The following PPP4C variants were observed in gnomAD, a reference collection of about 807,000 sequenced individuals.
PPP4C encodes the protein protein phosphatase 4 catalytic subunit.
PPP4C carries 10 observed loss-of-function variants against 40.5 expected under a neutral mutation model. That is an observed-to-expected ratio of 0.25 (90% CI 0.15 to 0.42). The LOEUF (loss-of-function observed/expected upper bound fraction) is 0.42. Ranked by LOEUF, PPP4C falls within the 10% of genes least tolerant of loss-of-function variation. The probability of loss-of-function intolerance (pLI) is 1.00; values close to 1 mark genes in which losing one functional copy is unlikely to be tolerated. For missense variants in PPP4C, 191 were observed against 416.4 expected (o/e 0.46, Z 4.71); for synonymous variants, 187 against 163.6 (o/e 1.14, Z -1.09).
At position 30,076,231 on chromosome 16, in the gene PPP4C, G is replaced by C. The variant is rs571065135; in HGVS notation, c.-63-84G>C. The C allele has an allele frequency of 1.2e-3, 953 of 782,254 alleles. 23 individuals carry two copies. The East Asian group carries it at 0.026, about 21-fold the overall frequency. The allele number at this position is 782,254 out of a possible 1,614,324, so 48.5% of individuals were successfully genotyped here. A position where few individuals can be genotyped will look rare whatever the true frequency, so the allele number is the denominator to read the frequency against. ...GATGTGAGGGGAGGCGGGGGTGGGG[G>C]AGCCGGGCCGGCTCTAGAATCGAGT... On this transcript the variant is annotated intron_variant, in intron 1 of 8. Coordinates refer to ENST00000279387, the MANE Select transcript of PPP4C (RefSeq NM_002720.3).
At chr16:30,081,917 TG>T (rs1305071714) in intron 3 of PPP4C, among the ~76,000 whole-genome samples, 2 of 151,920 alleles carry the variant, frequency 1.3e-5, no homozygotes, top group Admixed American at 1.3e-4. Context: ...TAGCCAGGTG[TG>T]GTGGTGGACA....
At position 30,084,973 on chromosome 16, in the gene PPP4C, C is replaced by T; in HGVS notation, c.835C>T (p.Leu279Phe). 6.2e-7 allele frequency: 1 copy of T among 1,614,182 alleles called. No homozygotes were observed. Among genetic ancestry groups the T allele is most frequent in the Non-Finnish European group, 8.5e-7 (1 of 1,180,012 alleles). Residue 279 changes from leucine (L) to phenylalanine (F), a missense_variant, in exon 9 of 9, where the codon CTC becomes TTC. This residue lies in a region of PPP4C where 20 missense variants were observed against 41.0 expected (regional missense o/e 0.49). Transcript: ENST00000279387. ...VAAILELDEHLQKDFIIFEAA... is the reference protein window; with the variant it reads ...VAAILELDEHFQKDFIIFEAA... ...AGCCATCTTGGAGCTGGACGAGCAT[C>T]TCCAGAAAGATTTCATCATCTTTGA...
intron 3 of PPP4C, among the ~76,000 whole-genome samples, chr16:30,082,267 G>A (rs775779712): frequency 1.3e-5 from 2 of 152,194 alleles, no homozygotes; most frequent in Non-Finnish European, 2.9e-5. Flanking sequence ...GAAGGACTTA[G>A]TTCTAGCTCT....
At chr16:30,084,490 C>T (rs990691280) in intron 7 of PPP4C, among the ~76,000 whole-genome samples, 176 bp from the exon 8 acceptor site, 3 of 152,250 alleles carry the variant, frequency 2.0e-5, no homozygotes, top group Non-Finnish European at 4.4e-5. Flanking sequence ...TTATCTGCCC[C>T]TACATTTGCT....
rs746488785 is a variant in PPP4C, at chr16:30,085,065, C to T, written c.*3C>T. ...CCGTGGCCGACTACTTCCTGTGACC[C>T]CGCCCGGCCCCTGCCCCCTCCAACC... On this transcript the variant is annotated 3_prime_UTR_variant, in exon 9 of 9. Transcript: ENST00000279387. The T allele has an allele frequency of 6.2e-7, 1 of 1,613,414 alleles. No individual in the cohort carries two copies. Among genetic ancestry groups the T allele is most frequent in the South Asian group, 1.1e-5 (1 of 91,022 alleles).
At chr16:30,081,400 C>G in intron 3 of PPP4C, 90 bp downstream of exon 3, 2 of 1,076,444 alleles carry the variant, frequency 1.9e-6, no homozygotes, top group Non-Finnish European at 2.8e-6. Flanking sequence ...AAGCCCAACC[C>G]TAAGCTCTTT....
Position 30,083,499 on chromosome 16 carries a change from G to A in PPP4C, c.409G>A (p.Val137Met). 6.2e-7 allele frequency: 1 copy of A among 1,614,136 alleles called. No individual in the cohort carries two copies. Among genetic ancestry groups the A allele is most frequent in the South Asian group, 1.1e-5 (1 of 91,090 alleles). The change falls in exon 6 of 9, where the codon GTG (valine) becomes ATG (methionine). Residue 137 changes from valine to methionine, a missense_variant. This residue lies in a region of PPP4C where 171 missense variants were observed against 352.4 expected (regional missense o/e 0.49). Transcript: ENST00000279387. This position sits in a 1 kb window ranked among gnomAD's most constrained non-coding sequence, Gnocchi z 6.3. ...YDECLRKYGSVTVWRYCTEIF... is the reference protein window; with the variant it reads ...YDECLRKYGSMTVWRYCTEIF... The stretch of plus-strand genomic sequence containing the variant: ...TGAGTGCCTGCGCAAGTACGGCTCG[G>A]TGACTGTGTGGCGCTACTGCACTGA...
At position 30,083,377 on chromosome 16, in the gene PPP4C, T is replaced by A. The variant is rs1270343910; in HGVS notation, c.304-17T>A. On this transcript the variant is annotated splice_polypyrimidine_tract_variant and intron_variant, in intron 5 of 8. Coordinates refer to ENST00000279387, the MANE Select transcript of PPP4C (RefSeq NM_002720.3). This position sits in a 1 kb window ranked among gnomAD's most constrained non-coding sequence, Gnocchi z 6.3. ...AGACCGTCTAGGCGCCAGCCCTGGC[T>A]TGGTGGCCACCCCCAGGTTCGCTAT... 1.2e-5 allele frequency: 19 copies of A among 1,602,732 alleles called. No homozygotes were observed. The highest frequency in any genetic ancestry group is 1.6e-5 in the Non-Finnish European group (19 of 1,173,370).
At position 30,085,282 on chromosome 16, in the gene PPP4C, T is replaced by A. The variant is rs1477438674; in HGVS notation, c.*220T>A. 1 of 407,170 alleles carries A rather than the reference T, an allele frequency of 2.5e-6. No individual in the cohort carries two copies. The highest frequency in any genetic ancestry group is 4.3e-6 in the Non-Finnish European group (1 of 233,672). The allele number at this position is 407,170 out of a possible 1,614,324, so 25.2% of individuals were successfully genotyped here. On this transcript the variant is annotated 3_prime_UTR_variant, in exon 9 of 9. Coordinates refer to ENST00000279387, the MANE Select transcript of PPP4C (RefSeq NM_002720.3). ...CTTGAACCATGAAGTTTCCAATAAT[T>A]TTTTTTTCTTTTTTTCCTTCTTTTT...
chr16:30,081,988 G>A lies in PPP4C; in HGVS notation c.151-496G>A, dbSNP rs567202043. Among the ~76,000 whole-genome samples, 3 of 152,138 alleles carry A rather than the reference G, an allele frequency of 2.0e-5. No homozygotes were observed. In the South Asian group the frequency reaches 6.2e-4, roughly 32 times the overall value. ...GAGAATGACGTGAACCCAGGAGGCG[G>A]AGCTTGCAGTGAGCCGAGATCGCGC... On this transcript the variant is annotated intron_variant, in intron 3 of 8. Transcript: ENST00000279387.
At position 30,084,728 on chromosome 16, in the gene PPP4C, G is replaced by A. The variant is rs758508288; in HGVS notation, c.667G>A (p.Ala223Thr). 2.5e-6 allele frequency: 4 copies of A among 1,614,258 alleles called. No individual in the cohort carries two copies. The highest frequency in any genetic ancestry group is 1.7e-5 in the Admixed American group (1 of 60,030). The change falls in exon 8 of 9, where the codon GCC becomes ACC. Residue 223 changes from alanine to threonine, a missense_variant. Physicochemically the swap from Ala to Thr is moderately conservative, Grantham distance 58. Around this residue, in one of 3 missense-constraint regions of PPP4C, gnomAD observed 171 missense variants for 352.4 expected, o/e 0.49. Transcript: ENST00000279387. ...CTACCTATTTGGCAGTGACGTGGTG[G>A]CCCAGTTCAACGCAGCCAATGACAT... Reference protein sequence around the residue: ...AGYLFGSDVVAQFNAANDIDM... With the variant: ...AGYLFGSDVVTQFNAANDIDM...
At chr16:30,084,582 C>A in intron 7 of PPP4C, 84 bp from the exon 8 acceptor site, 3 of 1,324,002 alleles carry the variant, frequency 2.3e-6, no homozygotes, top group Non-Finnish European at 1.1e-6. Flanking sequence ...TGGGGAGGGG[C>A]CAGGCTGCTC....
In PPP4C at chr16:30,083,548, C is replaced by T. The variant is rs866021147; in HGVS notation, c.458C>T (p.Ser153Leu). 6.2e-7 allele frequency: 1 copy of T among 1,614,124 alleles called. No individual in the cohort carries two copies. Among genetic ancestry groups the T allele is most frequent in the African/African-American group, 1.3e-5 (1 of 75,052 alleles). Reference sequence around the variant, plus strand: ...GAGATCTTTGACTACCTCAGCCTGTCAGCCATCATCGATGGCAAGGTAAGC... The same window carrying T: ...GAGATCTTTGACTACCTCAGCCTGTTAGCCATCATCGATGGCAAGGTAAGC... Reference protein sequence around the residue: ...CTEIFDYLSLSAIIDGKIFCV... With the variant: ...CTEIFDYLSLLAIIDGKIFCV... Residue 153 changes from serine (S) to leucine (L), a missense_variant, in exon 6 of 9, where the codon TCA (serine) becomes TTA (leucine). Around this residue, in one of 3 missense-constraint regions of PPP4C, gnomAD observed 171 missense variants for 352.4 expected, o/e 0.49. Coordinates refer to ENST00000279387, the MANE Select transcript of PPP4C (RefSeq NM_002720.3). This position sits in a 1 kb window ranked among gnomAD's most constrained non-coding sequence, Gnocchi z 6.3.
Position 30,084,899 on chromosome 16 carries a change from G to C in PPP4C, c.795-34G>C, listed in dbSNP as rs1404223669. On this transcript the variant is annotated intron_variant, in intron 8 of 8. Coordinates refer to ENST00000279387, the MANE Select transcript of PPP4C (RefSeq NM_002720.3). ...GCTGGGATGGGCGGGCATCTGAGCC[G>C]AGCTGCTCCTGACCCTGCTGCCCCG... The C allele has an allele frequency of 2.5e-6, 4 of 1,613,568 alleles. No individual in the cohort carries two copies. The East Asian group carries it at 6.7e-5, about 27-fold the overall frequency.
chr16:30,083,165 A>C lies in PPP4C; in HGVS notation c.304-229A>C. 1 of 610,168 alleles carries C rather than the reference A, an allele frequency of 1.6e-6. No individual in the cohort carries two copies. The highest frequency in any genetic ancestry group is 2.9e-6 in the Non-Finnish European group (1 of 347,918). 37.8% of individuals were successfully genotyped at this position (610,168 alleles called of 1,614,324 possible). On this transcript the variant is annotated intron_variant, in intron 5 of 8. Transcript: ENST00000279387. This position sits in a 1 kb window ranked among gnomAD's most constrained non-coding sequence, Gnocchi z 6.3. Reference sequence around the variant, plus strand: ...GGACCCGGTCTGTGTCTGGTAGGTGAAAGAAGAGCCATTAGGTTCATAGTT... The same window carrying C: ...GGACCCGGTCTGTGTCTGGTAGGTGCAAGAAGAGCCATTAGGTTCATAGTT...
intron 3 of PPP4C, among the ~76,000 whole-genome samples, chr16:30,082,240 G>T (rs2072524166): frequency 6.6e-6 from 1 of 152,134 alleles, no homozygotes; most frequent in South Asian, 2.1e-4. Flanking sequence ...AGAGGAAGGG[G>T]CCGGGACATC....
chr16:30,082,584 AC>A, intron 4 of PPP4C, 50 bp downstream of exon 4: 1 of 1,592,156 alleles, frequency 6.3e-7, no homozygotes, highest in Non-Finnish European at 8.6e-7. Flanking sequence ...TGACTGGAAG[AC>A]CCCTGTAATT....
At position 30,085,346 on chromosome 16, in the gene PPP4C, G is replaced by T; in HGVS notation, c.*284G>T. 1 of 321,594 alleles carries T rather than the reference G, an allele frequency of 3.1e-6. No individual in the cohort carries two copies. Among genetic ancestry groups the T allele is most frequent in the Admixed American group, 4.4e-5 (1 of 22,544 alleles). 19.9% of individuals were successfully genotyped at this position (321,594 alleles called of 1,614,324 possible). ...AGATAAAAATTTTGAGAAAAAAAAT[G>T]AAAAAATTCTAATAAAAGAAGAAAA... is the stretch of plus-strand genomic sequence containing the variant. On this transcript the variant is annotated 3_prime_UTR_variant, in exon 9 of 9. Transcript: ENST00000279387.
rs776583070 is a variant in PPP4C at position 30,083,809 on chromosome 16, G to A, written c.604+28G>A. 6.2e-7 allele frequency: 1 copy of A among 1,611,984 alleles called. No individual in the cohort carries two copies. Among genetic ancestry groups the A allele is most frequent in the South Asian group, 1.1e-5 (1 of 91,076 alleles). Reference sequence around the variant, plus strand: ...GAGGGCATGTGGGCAGGGGCAGGCAGGGACAGCCAGGAGGGGTTGGGAAAG... The same window carrying A: ...GAGGGCATGTGGGCAGGGGCAGGCAAGGACAGCCAGGAGGGGTTGGGAAAG... On this transcript the variant is annotated intron_variant, in intron 7 of 8. Coordinates refer to ENST00000279387, the MANE Select transcript of PPP4C (RefSeq NM_002720.3). This position sits in a 1 kb window ranked among gnomAD's most constrained non-coding sequence, Gnocchi z 6.3.
Sources: gnomAD v4.1 joint callset for allele counts (sites outside exome capture counted in the v4.1 genomes callset) on GRCh38, gnomAD v4.1.1 for gene constraint, gnomAD v4.1.1 regional missense constraint, Gnocchi (gnomAD v3.1) non-coding constraint, MANE v1.5 for transcripts, NCBI Gene and HGNC (gene_info 2026-07-23, HGNC 2026-07-21) for gene names.